Variants in HTT observed in about 807,000 individuals in gnomAD.
The protein encoded by HTT is huntington disease protein.
HTT carries 104 observed loss-of-function variants against 362.3 expected under a neutral mutation model. The ratio of observed to expected loss-of-function variants is 0.29; its 90% CI spans 0.24 to 0.34. HTT has a LOEUF of 0.34. HTT is among the 10% of genes least tolerant of loss of function. The probability of loss-of-function intolerance (pLI) is 1.00; values close to 1 mark genes in which losing one functional copy is unlikely to be tolerated. For missense variants in HTT, 3,301 were observed against 3,928.6 expected (o/e 0.84, Z 4.27); for synonymous variants, 1,577 against 1,548.7 (o/e 1.02, Z -0.43).
chr4:3,114,160 A>G (rs1440998225), intron 6 of HTT, among the ~76,000 whole-genome samples: 1 of 152,226 alleles, frequency 6.6e-6, no homozygotes, highest in Non-Finnish European at 1.5e-5. Context: ...GGGCTAGTTA[A>G]CCGCAGCAGG....
chr4:3,233,231 C>T lies in HTT; in HGVS notation c.8334C>T (p.Ser2778=). The change falls in exon 61 of 67, where the codon AGC becomes AGT. Residue 2778 remains serine, a synonymous_variant. Transcript: ENST00000355072. ...ESTLRSSHLP[S]RVGALHGVLY... is the part of the protein sequence containing the mutation. ...CGCTCAGGAGCAGCCACCTGCCCAGCAGGGTTGGAGCCCTGCACGGCGTCC... is the reference window on the plus strand; with the variant it reads ...CGCTCAGGAGCAGCCACCTGCCCAGTAGGGTTGGAGCCCTGCACGGCGTCC... The T allele has an allele frequency of 6.2e-7, 1 of 1,605,864 alleles. No individual in the cohort carries two copies. The highest frequency in any genetic ancestry group is 1.3e-5 in the African/African-American group (1 of 74,938).
In HTT at chr4:3,131,651, C is replaced by T. The variant is rs1560561446; in HGVS notation, c.2112C>T (p.Asp704=). ...ATTTCTTGGCAGTGCTGGTTCCGGACAGGGATGTGAGGGTCAGCGTGAAGG... is the reference window on the plus strand; with the variant it reads ...ATTTCTTGGCAGTGCTGGTTCCGGATAGGGATGTGAGGGTCAGCGTGAAGG... ...LTGGKNVLVP[D]RDVRVSVKAL... Residue 704 remains aspartate, a synonymous_variant, in exon 16 of 67, where the codon GAC becomes GAT. Coordinates refer to ENST00000355072, the MANE Select transcript of HTT (RefSeq NM_001388492.1). 2 of 1,613,378 alleles carry T rather than the reference C, an allele frequency of 1.2e-6. No homozygotes were observed. The highest frequency in any genetic ancestry group is 2.2e-5 in the East Asian group (1 of 44,860).
intron 2 of HTT, among the ~76,000 whole-genome samples, chr4:3,095,759 CACA>C (rs1184693715): frequency 2.0e-5 from 3 of 151,956 alleles, no homozygotes; most frequent in African/African-American, 4.8e-5. Context: ...CAACTAAAAG[CACA>C]ACAAGGAATT....
chr4:3,083,586 C>CACAT (rs1713041709), intron 1 of HTT, among the ~76,000 whole-genome samples: 5 of 118,600 alleles, frequency 4.2e-5, no homozygotes, highest in East Asian at 2.7e-4. Context: ...CACACACACA[C>CACAT]ATATATATGT....
chr4:3,121,727 A>G, intron 9 of HTT: 2 of 247,488 alleles, frequency 8.1e-6, no homozygotes, highest in Non-Finnish European at 8.0e-6. Flanking sequence ...TTAGCTGGGC[A>G]TGGTGGCACA....
intron 6 of HTT, among the ~76,000 whole-genome samples, chr4:3,111,653 C>A (rs1714758766): frequency 6.6e-6 from 1 of 152,054 alleles, no homozygotes; most frequent in Admixed American, 6.6e-5. Flanking sequence ...GTCAGGGTGC[C>A]CTCTTACTTT....
At chr4:3,086,556 C>T (rs778720770) in intron 1 of HTT, among the ~76,000 whole-genome samples, 21 of 152,084 alleles carry the variant, frequency 1.4e-4, no homozygotes, top group East Asian at 9.6e-4. Flanking sequence ...CTGTGGTCCG[C>T]GCCACTCAGG....
intron 37 of HTT, among the ~76,000 whole-genome samples, chr4:3,184,415 G>C (rs971878972): frequency 6.6e-6 from 1 of 152,058 alleles, no homozygotes; most frequent in Admixed American, 6.5e-5. Flanking sequence ...GTTTTAGCAG[G>C]ATCATTCTTA....
intron 30 of HTT, 134 bp downstream of exon 30, chr4:3,172,531 G>T: frequency 1.4e-6 from 1 of 729,260 alleles, no homozygotes; most frequent in South Asian, 1.5e-5. Context: ...GCACTTTTTG[G>T]CTCAGTCCAT....
intron 62 of HTT, 53 bp downstream of exon 62, chr4:3,235,451 T>G: frequency 6.6e-7 from 1 of 1,509,502 alleles, no homozygotes; most frequent in Non-Finnish European, 9.2e-7. Flanking sequence ...GCTTCCCTTC[T>G]CTTTTCCTTG....
chr4:3,138,399 C>T (rs192087717), intron 21 of HTT, among the ~76,000 whole-genome samples: 114 of 152,084 alleles, frequency 7.5e-4, no homozygotes, highest in Non-Finnish European at 1.0e-4. Flanking sequence ...TCCAGCCTTC[C>T]GCCTTGTGAG....
chr4:3,219,780 G>T (rs1403755109), intron 52 of HTT, among the ~76,000 whole-genome samples: 1 of 152,206 alleles, frequency 6.6e-6, no homozygotes, highest in Non-Finnish European at 1.5e-5. Flanking sequence ...GAAATAAGCT[G>T]TATGGTTCAT....
Position 3,074,980 on chromosome 4 carries a change from C to G in HTT, c.155C>G (p.Pro52Arg). The change falls in exon 1 of 67, where the codon CCT becomes CGT. Residue 52 changes from proline to arginine, a missense_variant. Around this residue, in one of 4 missense-constraint regions of HTT, gnomAD observed 2,316 missense variants for 2,658.5 expected, o/e 0.87. Transcript: ENST00000355072. ...CCGCCGCCGCCGCCTCCTCAGCTTCCTCAGCCGCCGCCGCAGGCACAGCCG... is the reference window on the plus strand; with the variant it reads ...CCGCCGCCGCCGCCTCCTCAGCTTCGTCAGCCGCCGCCGCAGGCACAGCCG... Reference protein sequence around the residue: ...PPPPPPPPQLPQPPPQAQPLL... With the variant: ...PPPPPPPPQLRQPPPQAQPLL... 7.0e-7 allele frequency: 1 copy of G among 1,423,552 alleles called. No individual in the cohort carries two copies. The highest frequency in any genetic ancestry group is 9.4e-7 in the Non-Finnish European group (1 of 1,067,526). 88.2% of individuals were successfully genotyped at this position (1,423,552 alleles called of 1,614,324 possible).
intron 6 of HTT, among the ~76,000 whole-genome samples, chr4:3,108,274 T>C (rs570805820): frequency 6.6e-6 from 1 of 152,366 alleles, no homozygotes; most frequent in Non-Finnish European, 1.5e-5. Flanking sequence ...TCTCATGTTT[T>C]TTCTCTTGAG....
rs1265736882 is a variant in HTT, at chr4:3,123,032, T to C, written c.1321+96T>C. On this transcript the variant is annotated intron_variant, in intron 10 of 66. Transcript: ENST00000355072. ...ATCTTGTATTTCTTGTAATACTGTA[T>C]TGGACTCTGTGTATATCTCTTCTCA... The C allele has an allele frequency of 3.2e-6, 3 of 931,332 alleles. No homozygotes were observed. In the East Asian group the frequency reaches 7.4e-5, roughly 23 times the overall value. 57.7% of individuals were successfully genotyped at this position (931,332 alleles called of 1,614,324 possible).
intron 14 of HTT, 98 bp downstream of exon 14, chr4:3,130,521 T>C: frequency 1.5e-6 from 1 of 651,988 alleles, no homozygotes; most frequent in Non-Finnish European, 2.7e-6. Flanking sequence ...TTCCCATCCC[T>C]GGGCCTTTAA....
chr4:3,099,940 T>C (rs1714068174), intron 3 of HTT, among the ~76,000 whole-genome samples: 1 of 151,744 alleles, frequency 6.6e-6, no homozygotes, highest in African/African-American at 2.4e-5. Flanking sequence ...GAGGTGCTCT[T>C]GTATGGTTTG....
chr4:3,107,329 A>G lies in HTT; in HGVS notation c.653A>G (p.Lys218Arg), dbSNP rs538952960. The G allele has an allele frequency of 6.2e-7, 1 of 1,614,186 alleles. No individual in the cohort carries two copies. Among genetic ancestry groups the G allele is most frequent in the African/African-American group, 1.3e-5 (1 of 75,072 alleles). Residue 218 changes from lysine to arginine, a missense_variant, in exon 6 of 67, where the codon AAG becomes AGG. Lys to Arg is a conservative substitution (Grantham distance 26). Around this residue, in one of 4 missense-constraint regions of HTT, gnomAD observed 2,316 missense variants for 2,658.5 expected, o/e 0.87. Coordinates refer to ENST00000355072, the MANE Select transcript of HTT (RefSeq NM_001388492.1). The stretch of plus-strand genomic sequence containing the variant: ...CTGCCGTGCCTGACTCGAACAAGCA[A>G]GAGACCCGAAGAATCAGTCCAGGAG... ...NLLPCLTRTS[K>R]RPEESVQETL...
chr4:3,083,530 TACACAC>T (rs56210756), intron 1 of HTT, among the ~76,000 whole-genome samples: 13,000 of 124,254 alleles, frequency 0.1, 812 homozygotes, highest in South Asian at 0.15. Flanking sequence ...TCTCTAAATA[TACACAC>T]ACACACACAC....
Sources: allele counts gnomAD v4.1 joint callset (sites outside exome capture counted in the v4.1 genomes callset), GRCh38; gene constraint gnomAD v4.1.1; regional missense constraint gnomAD v4.1.1; transcripts MANE v1.5; gene names NCBI Gene and HGNC (gene_info 2026-07-23, HGNC 2026-07-21).